Variants in EGFLAM observed in about 807,000 individuals in gnomAD.
The protein encoded by EGFLAM is pikachurin.
A neutral mutation model predicts 113.1 loss-of-function variants in EGFLAM; 79 were observed. That is an observed-to-expected ratio of 0.70 (90% CI 0.58 to 0.84). EGFLAM has a LOEUF of 0.84. EGFLAM is among the 40% of genes least tolerant of loss of function. EGFLAM has a pLI of 0.00. For synonymous variants in EGFLAM, 504 were observed against 487.6 expected, an observed-to-expected ratio of 1.03 and a Z score of -0.44; for missense variants, 1,265 against 1,291.6, an observed-to-expected ratio of 0.98 and a Z score of 0.32.
chr5:38,339,703 G>C (rs1054090668), intron 3 of EGFLAM, among the ~76,000 whole-genome samples: 1 of 152,160 alleles, frequency 6.6e-6, no homozygotes, highest in African/African-American at 2.4e-5. Context: ...ATACATTAGC[G>C]AGTAACAGCA....
At chr5:38,424,388 C>A (rs1406236615) in intron 12 of EGFLAM, among the ~76,000 whole-genome samples, 1 of 152,104 alleles carries the variant, frequency 6.6e-6, no homozygotes, top group Non-Finnish European at 1.5e-5. Flanking sequence ...ATTCTGAAAC[C>A]CATGTGCCAA....
chr5:38,382,921 C>T (rs1178138272), intron 6 of EGFLAM, among the ~76,000 whole-genome samples: 3 of 152,158 alleles, frequency 2.0e-5, no homozygotes, highest in Non-Finnish European at 4.4e-5. Flanking sequence ...GAATGTATCT[C>T]CCATCACTGA....
chr5:38,284,630 C>T (rs1336243639), intron 1 of EGFLAM, among the ~76,000 whole-genome samples: 2 of 152,220 alleles, frequency 1.3e-5, no homozygotes, highest in Non-Finnish European at 1.5e-5. Flanking sequence ...TCATTCATCA[C>T]TGACATTGTG....
chr5:38,270,251 G>A (rs999447565), intron 1 of EGFLAM, among the ~76,000 whole-genome samples: 3 of 152,280 alleles, frequency 2.0e-5, no homozygotes, highest in African/African-American at 7.2e-5. Flanking sequence ...AATCTTTTCA[G>A]ATGTCTTCTA....
At chr5:38,425,909 C>G (rs147287992) in intron 13 of EGFLAM, among the ~76,000 whole-genome samples, 2 of 152,150 alleles carry the variant, frequency 1.3e-5, no homozygotes, top group Non-Finnish European at 2.9e-5. Context: ...GGGCGGATCA[C>G]GAGGCCAACG....
chr5:38,408,853 G>T, intron 9 of EGFLAM, 151 bp from the exon 10 acceptor site: 1 of 692,246 alleles, frequency 1.4e-6, no homozygotes, highest in Non-Finnish European at 2.6e-6. Flanking sequence ...CCAGGTATCT[G>T]GGAGTGAATT....
intron 5 of EGFLAM, among the ~76,000 whole-genome samples, chr5:38,364,773 T>C (rs955365697): frequency 9.9e-5 from 15 of 152,192 alleles, no homozygotes; most frequent in African/African-American, 3.1e-4. Context: ...AGTGTGATAG[T>C]AGAATCAGAT....
chr5:38,348,291 T>G (rs1739526851), intron 3 of EGFLAM, among the ~76,000 whole-genome samples: 1 of 149,780 alleles, frequency 6.7e-6, no homozygotes, highest in African/African-American at 2.5e-5. Context: ...GCTAAGGGAG[T>G]GGGAGATGAG....
chr5:38,269,654 T>C (rs886258805), intron 1 of EGFLAM, among the ~76,000 whole-genome samples: 2 of 152,076 alleles, frequency 1.3e-5, no homozygotes, highest in Non-Finnish European at 2.9e-5. Flanking sequence ...CATGCCCAGC[T>C]AATTTTTTAT....
At position 38,427,048 on chromosome 5, in the gene EGFLAM, G is replaced by A; in HGVS notation, c.1850G>A (p.Arg617Lys). Residue 617 changes from arginine to lysine, a missense_variant, in exon 14 of 22, where the codon AGA becomes AAA. By Grantham distance (26) the Arg-to-Lys change is conservative. Transcript: ENST00000322350. Reference protein sequence around the residue: ...LTIPQFRESLRSYAATPWPLE... With the variant: ...LTIPQFRESLKSYAATPWPLE... ...ATTCCTCAGTTCAGAGAGTCTCTGA[G>A]ATCTTACGCTGCAACTCCCTGGCCA... 1 of 1,614,056 alleles carries A rather than the reference G, an allele frequency of 6.2e-7. No individual in the cohort carries two copies. Among genetic ancestry groups the A allele is most frequent in the Non-Finnish European group, 8.5e-7 (1 of 1,180,016 alleles).
At chr5:38,383,942 G>T (rs1002401055) in intron 6 of EGFLAM, among the ~76,000 whole-genome samples, 1 of 152,040 alleles carries the variant, frequency 6.6e-6, no homozygotes, top group African/African-American at 2.4e-5. Flanking sequence ...GATAGGAAGT[G>T]AGGTCAGAAA....
At chr5:38,457,624 A>G (rs981211067) in intron 19 of EGFLAM, among the ~76,000 whole-genome samples, 2 of 152,176 alleles carry the variant, frequency 1.3e-5, no homozygotes, top group Non-Finnish European at 2.9e-5. Flanking sequence ...TGAATCTGCA[A>G]AGACCCTATT....
rs542437309 is a variant in EGFLAM, at chr5:38,392,642, C to T, written c.713-13484C>T. Among the ~76,000 whole-genome samples the T allele has an allele frequency of 2.7e-5, 4 of 147,600 alleles. No homozygotes were observed. The East Asian group carries it at 7.8e-4, about 29-fold the overall frequency. ...ATTCTTTTTTTTTGGGGGGGCGGTT[C>T]TCACTGGGATTTAATATCATGGTTT... On this transcript the variant is annotated intron_variant, in intron 6 of 21. Transcript: ENST00000322350.
chr5:38,328,999 GT>G (rs1250766966), intron 1 of EGFLAM, among the ~76,000 whole-genome samples: 12 of 151,934 alleles, frequency 7.9e-5, no homozygotes, highest in African/African-American at 2.7e-4. Context: ...TCTAAGTCTG[GT>G]TTTAAGATCG....
chr5:38,307,408 G>T (rs1019001477), intron 1 of EGFLAM, among the ~76,000 whole-genome samples: 1 of 152,198 alleles, frequency 6.6e-6, no homozygotes, highest in Non-Finnish European at 1.5e-5. Flanking sequence ...ATTCTCACAA[G>T]ATCTGATGGT....
intron 5 of EGFLAM, among the ~76,000 whole-genome samples, chr5:38,363,500 C>T (rs2112018006): frequency 6.6e-6 from 1 of 152,258 alleles, no homozygotes; most frequent in South Asian, 2.1e-4. Flanking sequence ...TCTTGTGACC[C>T]TGTCAACATT....
At chr5:38,301,136 T>C (rs1224360171) in intron 1 of EGFLAM, among the ~76,000 whole-genome samples, 1 of 152,064 alleles carries the variant, frequency 6.6e-6, no homozygotes, top group East Asian at 1.9e-4. Flanking sequence ...GTCAGAACAA[T>C]GGTACTGAAA....
chr5:38,263,801 G>T (rs1011656266), intron 1 of EGFLAM, among the ~76,000 whole-genome samples: 1 of 152,136 alleles, frequency 6.6e-6, no homozygotes, highest in Non-Finnish European at 1.5e-5. Context: ...TTTGTATGAG[G>T]TGTGAGATAT....
At chr5:38,364,038 A>G (rs1222353168) in intron 5 of EGFLAM, among the ~76,000 whole-genome samples, 1 of 152,204 alleles carries the variant, frequency 6.6e-6, no homozygotes, top group Non-Finnish European at 1.5e-5. Flanking sequence ...AAATTTGCCA[A>G]CCCTGATTTA....
Sources: allele counts gnomAD v4.1 joint callset (sites outside exome capture counted in the v4.1 genomes callset), GRCh38; gene constraint gnomAD v4.1.1; transcripts MANE v1.5; gene names NCBI Gene and HGNC (gene_info 2026-07-23, HGNC 2026-07-21).